The following AHCTF1 variants were observed in gnomAD, a reference collection of about 807,000 sequenced individuals.
AHCTF1 encodes the protein AT-hook containing transcription factor 1.
In AHCTF1, 24 loss-of-function variants were observed where a neutral mutation model predicts 248.4. The observed-to-expected ratio is 0.10, with a 90% CI of 0.07 to 0.14. The LOEUF is 0.14. AHCTF1 is among the 10% of genes least tolerant of loss of function. The pLI is 1.00. For missense variants in AHCTF1, 2,206 were observed against 2,636.2 expected (o/e 0.84, Z 3.57); for synonymous variants, 786 against 929.8 (o/e 0.85, Z 2.81).
chr1:246,919,596 T>A (rs1419452591), intron 1 of AHCTF1, among the ~76,000 whole-genome samples: 2 of 150,590 alleles, frequency 1.3e-5, no homozygotes, highest in African/African-American at 4.9e-5. Context: ...ACCTGTAGTC[T>A]CACCTACTCG....
chr1:246,891,636 G>A (rs1664211335), intron 15 of AHCTF1, 143 bp downstream of exon 15: 7 of 840,520 alleles, frequency 8.3e-6, no homozygotes. Context: ...TTAAAACAAA[G>A]AAACAAACAA....
At chr1:246,926,895 C>T (rs538159056) in intron 1 of AHCTF1, among the ~76,000 whole-genome samples, 12 of 151,958 alleles carry the variant, frequency 7.9e-5, no homozygotes, top group South Asian at 2.1e-4. Flanking sequence ...AGTGTATGGC[C>T]GGGCCGCGGT....
intron 21 of AHCTF1, among the ~76,000 whole-genome samples, chr1:246,883,810 A>G (rs2103121797): frequency 6.6e-6 from 1 of 152,304 alleles, no homozygotes; most frequent in South Asian, 2.1e-4. Flanking sequence ...TTTCCAACTT[A>G]AGAGAAATAA....
chr1:246,927,984 G>A (rs920146893), intron 1 of AHCTF1, among the ~76,000 whole-genome samples: 10 of 151,698 alleles, frequency 6.6e-5, no homozygotes, highest in Admixed American at 2.0e-4. Context: ...TGGCGACAGA[G>A]CAAGACTCCG....
At chr1:246,877,699 G>A (rs954248339) in intron 21 of AHCTF1, among the ~76,000 whole-genome samples, 3 of 152,154 alleles carry the variant, frequency 2.0e-5, no homozygotes, top group Non-Finnish European at 4.4e-5. Context: ...CAAGCACGCT[G>A]TGTCCATGAG....
rs1666848941 is a variant in AHCTF1 at position 246,925,254 on chromosome 1, C to G, written c.-8+6324G>C. On this transcript the variant is annotated intron_variant, in intron 1 of 35. Coordinates refer to ENST00000648844, the MANE Select transcript of AHCTF1 (RefSeq NM_001323342.2). The stretch of plus-strand genomic sequence containing the variant: ...AATGAGCAAAAAAGTTCCATGATCC[C>G]TATACTTCAATCAAAATCATCTCAA... Among the ~76,000 whole-genome samples the G allele has an allele frequency of 2.0e-5, 3 of 152,156 alleles. No individual in the cohort carries two copies. The South Asian group carries it at 6.2e-4, about 32-fold the overall frequency.
chr1:246,897,665 C>T (rs1278764444), intron 12 of AHCTF1, among the ~76,000 whole-genome samples: 2 of 152,106 alleles, frequency 1.3e-5, no homozygotes, highest in Admixed American at 6.5e-5. Context: ...TGTATTTAAA[C>T]ACAGAAAAGG....
At chr1:246,869,128 C>A (rs142177309) in intron 24 of AHCTF1, among the ~76,000 whole-genome samples, 4 of 152,070 alleles carry the variant, frequency 2.6e-5, no homozygotes, top group Non-Finnish European at 5.9e-5. Context: ...CAGGCGTGAG[C>A]CACCACGCCC....
At chr1:246,913,934 C>CA (rs1408479827) in intron 3 of AHCTF1, among the ~76,000 whole-genome samples, 1 of 152,036 alleles carries the variant, frequency 6.6e-6, no homozygotes, top group African/African-American at 2.4e-5. Flanking sequence ...TAAAAAACAA[C>CA]AAAAAAGATA....
At chr1:246,901,828 CTAAA>C (rs1226446319) in intron 8 of AHCTF1, among the ~76,000 whole-genome samples, 3 of 152,018 alleles carry the variant, frequency 2.0e-5, no homozygotes, top group African/African-American at 7.3e-5. Flanking sequence ...ACCCCTGTCT[CTAAA>C]TAAATAAACA....
At chr1:246,886,635 G>A (rs555407233) in intron 20 of AHCTF1, among the ~76,000 whole-genome samples, 11 of 152,170 alleles carry the variant, frequency 7.2e-5, no homozygotes, top group South Asian at 2.1e-4. Context: ...TTGAAGCCAC[G>A]GATGTAGAAT....
chr1:246,917,887 G>GTT (rs1666253142), intron 2 of AHCTF1, among the ~76,000 whole-genome samples: 5 of 152,032 alleles, frequency 3.3e-5, no homozygotes, highest in Non-Finnish European at 5.9e-5. Flanking sequence ...TAGGGCCCTG[G>GTT]ACTTTTCTAC....
At chr1:246,896,752 T>C (rs888111294) in intron 12 of AHCTF1, among the ~76,000 whole-genome samples, 3 of 152,142 alleles carry the variant, frequency 2.0e-5, no homozygotes, top group Admixed American at 1.3e-4. Flanking sequence ...ATTTTGAAAA[T>C]CACTGAGTCT....
At chr1:246,852,125 C>G (rs750975661) in intron 32 of AHCTF1, 2 of 152,652 alleles carry the variant, frequency 1.3e-5, no homozygotes, top group Non-Finnish European at 2.9e-5. Flanking sequence ...TTACCACCCA[C>G]CTAGACAATG....
At chr1:246,875,412 A>G (rs957466595) in intron 24 of AHCTF1, among the ~76,000 whole-genome samples, 1 of 152,232 alleles carries the variant, frequency 6.6e-6, no homozygotes, top group African/African-American at 2.4e-5. Context: ...CTTCTTGTAG[A>G]GTAGTTTGTT....
At chr1:246,849,154 T>C (rs1433499596) in intron 33 of AHCTF1, among the ~76,000 whole-genome samples, 8 of 152,222 alleles carry the variant, frequency 5.3e-5, no homozygotes, top group Non-Finnish European at 8.8e-5. Context: ...GGCATGTAGA[T>C]GCGCCAGTTT....
intron 4 of AHCTF1, 133 bp from the exon 5 acceptor site, chr1:246,907,891 G>A (rs1665507529): frequency 4.0e-6 from 3 of 750,522 alleles, no homozygotes; most frequent in South Asian, 2.2e-5. Flanking sequence ...AAAGATTAGT[G>A]ATAACAAAAA....
rs978769236 is a variant in AHCTF1, at chr1:246,897,090, G to A, written c.1623+1118C>T. On this transcript the variant is annotated intron_variant, in intron 12 of 35. Transcript: ENST00000648844. The stretch of plus-strand genomic sequence containing the variant: ...GCACTTTGGGAGGCCGAGGAGGGCA[G>A]ATCACTTGAGGTCAGGAGTTTGAGA... Among the ~76,000 whole-genome samples, 9 of 152,332 alleles carry A rather than the reference G, an allele frequency of 5.9e-5. No homozygotes were observed. The South Asian group carries it at 6.2e-4, about 11-fold the overall frequency.
At chr1:246,881,233 A>C (rs1663380555) in intron 21 of AHCTF1, among the ~76,000 whole-genome samples, 1 of 152,230 alleles carries the variant, frequency 6.6e-6, no homozygotes, top group Admixed American at 6.5e-5. Flanking sequence ...ACCATATAAT[A>C]ATTTTAAAAG....
Sources: gnomAD v4.1 joint callset for allele counts (sites outside exome capture counted in the v4.1 genomes callset) on GRCh38, gnomAD v4.1.1 for gene constraint, MANE v1.5 for transcripts, NCBI Gene and HGNC (gene_info 2026-07-23, HGNC 2026-07-21) for gene names.